The following EXOC4 variants were observed in gnomAD, a reference collection of about 807,000 sequenced individuals.
EXOC4 encodes the protein exocyst complex component 4, also known as SEC8-like 1.
In EXOC4, 71 loss-of-function variants were observed where a neutral mutation model predicts 107.2. The ratio of observed to expected loss-of-function variants is 0.66; its 90% confidence interval spans 0.55 to 0.81. The LOEUF (loss-of-function observed/expected upper bound fraction) is 0.81. EXOC4 is among the 30% of genes least tolerant of loss of function. The pLI is 0.00. For synonymous variants in EXOC4, 456 were observed against 441.2 expected (o/e 1.03, Z -0.42); for missense variants, 1,108 against 1,189.6 (o/e 0.93, Z 1.01).
chr7:133,507,710 T>C (rs1419463011), intron 9 of EXOC4, among the ~76,000 whole-genome samples: 1 of 152,220 alleles, frequency 6.6e-6, no homozygotes, highest in Non-Finnish European at 1.5e-5. Flanking sequence ...TGACTTTTTT[T>C]CCTATCACCA....
chr7:133,669,150 A>G (rs569601054), intron 10 of EXOC4, among the ~76,000 whole-genome samples: 2 of 152,004 alleles, frequency 1.3e-5, no homozygotes, highest in African/African-American at 4.8e-5. Context: ...CAGCACACCA[A>G]TACAGATTTT....
chr7:133,313,989 T>C (rs192992371), intron 4 of EXOC4, among the ~76,000 whole-genome samples: 161 of 152,302 alleles, frequency 1.1e-3, no homozygotes, highest in Non-Finnish European at 2.0e-3. Flanking sequence ...AAATTTGTAA[T>C]CATGTATTTA....
intron 10 of EXOC4, among the ~76,000 whole-genome samples, chr7:133,761,211 C>A (rs1796025569): frequency 6.6e-6 from 1 of 152,092 alleles, no homozygotes; most frequent in South Asian, 2.1e-4. Context: ...GCAGAAGATG[C>A]CCTAAGGAGC....
chr7:133,537,740 A>G (rs1234266699), intron 9 of EXOC4, among the ~76,000 whole-genome samples: 1 of 152,142 alleles, frequency 6.6e-6, no homozygotes, highest in African/African-American at 2.4e-5. Flanking sequence ...TGTTGTTTTA[A>G]ACCAAAATAA....
chr7:133,692,437 C>T (rs1436106736), intron 10 of EXOC4, among the ~76,000 whole-genome samples: 1 of 152,176 alleles, frequency 6.6e-6, no homozygotes, highest in Non-Finnish European at 1.5e-5. Context: ...TGGTGTACAA[C>T]TCTTTAACAC....
intron 9 of EXOC4, among the ~76,000 whole-genome samples, chr7:133,546,909 G>T (rs1374050594): frequency 6.6e-6 from 1 of 151,940 alleles, no homozygotes; most frequent in African/African-American, 2.4e-5. Flanking sequence ...AATTTGATAT[G>T]CATTTTAGCT....
intron 9 of EXOC4, among the ~76,000 whole-genome samples, chr7:133,596,020 T>A (rs1481420496): frequency 6.6e-6 from 1 of 152,220 alleles, no homozygotes; most frequent in African/African-American, 2.4e-5. Context: ...TCCCATTTGC[T>A]TTGCTCCAAC....
chr7:133,483,941 C>G (rs538543063), intron 9 of EXOC4: 1 of 1,248,160 alleles, frequency 8.0e-7, no homozygotes, highest in Non-Finnish European at 1.2e-6. Context: ...CCGTAAGAGA[C>G]TAAGGGAAGA....
At chr7:134,042,840 C>T (rs1200294774) in intron 17 of EXOC4, among the ~76,000 whole-genome samples, 2 of 152,222 alleles carry the variant, frequency 1.3e-5, no homozygotes, top group African/African-American at 4.8e-5. Context: ...AGTTCGAGAC[C>T]AGCCTGGCCA....
chr7:133,632,384 T>A (rs1802611830), intron 10 of EXOC4, among the ~76,000 whole-genome samples: 1 of 152,160 alleles, frequency 6.6e-6, no homozygotes, highest in Non-Finnish European at 1.5e-5. Flanking sequence ...CCCCAAAATA[T>A]TATGTGGTCT....
intron 9 of EXOC4, among the ~76,000 whole-genome samples, chr7:133,485,680 C>T (rs1001539533): frequency 2.0e-5 from 3 of 152,128 alleles, no homozygotes; most frequent in South Asian, 2.1e-4. Context: ...GCCTTATTCA[C>T]GGGTACATTT....
chr7:133,986,953 C>T (rs1450072244), intron 14 of EXOC4, among the ~76,000 whole-genome samples: 1 of 152,154 alleles, frequency 6.6e-6, no homozygotes, highest in African/African-American at 2.4e-5. Context: ...GGGCTCCTGT[C>T]ACTGTCCCCA....
chr7:133,835,433 CG>C lies in EXOC4; in HGVS notation c.1734+17893del, dbSNP rs528363559. On this transcript the variant is annotated intron_variant, in intron 11 of 17. Transcript: ENST00000253861. ...AAAGGTGGGACAGTTCGAAGTGGGA[CG>C]GGGCTTTGTGTTCATAGGTAGATAA... Among the ~76,000 whole-genome samples, 887 of 152,214 alleles carry C rather than the reference CG, an allele frequency of 5.8e-3. 6 individuals are homozygous for C. Among genetic ancestry groups the C allele is most frequent in the African/African-American group, 0.02 (838 of 41,530 alleles).
chr7:133,725,345 A>G (rs1441372563), intron 10 of EXOC4, among the ~76,000 whole-genome samples: 2 of 152,260 alleles, frequency 1.3e-5, no homozygotes, highest in South Asian at 2.1e-4. Context: ...AGGGCTAGCT[A>G]GTAACTATAT....
chr7:133,634,385 G>A (rs982860498), intron 10 of EXOC4, among the ~76,000 whole-genome samples: 1 of 152,044 alleles, frequency 6.6e-6, no homozygotes, highest in Admixed American at 6.6e-5. Flanking sequence ...AAAGAAATGG[G>A]CTTTAGTATT....
At chr7:134,100,592 G>C in the EXOC4 span, among the ~76,000 whole-genome samples, 1 of 130,294 alleles carries the variant, frequency 7.7e-6, no homozygotes, top group African/African-American at 2.6e-5. Context: ...CTGTAAAGGA[G>C]CCATGTATGG....
At chr7:133,728,413 A>C (rs1795260337) in intron 10 of EXOC4, among the ~76,000 whole-genome samples, 1 of 152,182 alleles carries the variant, frequency 6.6e-6, no homozygotes, top group Non-Finnish European at 1.5e-5. Context: ...ACAGTTTTTT[A>C]TTTCAGAACT....
intron 11 of EXOC4, 24 bp from the exon 12 acceptor site, chr7:133,895,575 C>CCT (rs1187250720): frequency 2.5e-6 from 4 of 1,610,464 alleles, no homozygotes; most frequent in Non-Finnish European, 3.4e-6. Flanking sequence ...AATCTCATAT[C>CCT]CTCTCTTTGT....
At position 133,895,619 on chromosome 7, in the gene EXOC4, G is replaced by A. The variant is rs1799288689; in HGVS notation, c.1755G>A (p.Lys585=). ...PLLQSTIIVE[K]TVQDLLNLMH... ...TCCAGAGCACAATCATTGTGGAGAA[G>A]ACAGTTCAAGACCTCCTGAACCTGA... The change falls in exon 12 of 18, where the codon AAG becomes AAA. Residue 585 remains lysine (K), a synonymous_variant. Transcript: ENST00000253861. The A allele has an allele frequency of 1.2e-6, 2 of 1,613,906 alleles. No homozygotes were observed. Among genetic ancestry groups the A allele is most frequent in the African/African-American group, 1.3e-5 (1 of 74,918 alleles).
Sources: allele counts gnomAD v4.1 joint callset (sites outside exome capture counted in the v4.1 genomes callset), GRCh38; gene constraint gnomAD v4.1.1; transcripts MANE v1.5; gene names NCBI Gene and HGNC (gene_info 2026-07-23, HGNC 2026-07-21).